The following JAKMIP3 variants were observed in gnomAD, a reference collection of about 807,000 sequenced individuals.
JAKMIP3 encodes janus kinase and microtubule-interacting protein 3.
Under a neutral mutation model 118.5 loss-of-function variants are expected in JAKMIP3, and 58 were observed. The ratio of observed to expected loss-of-function variants is 0.49; its 90% CI spans 0.40 to 0.61. The LOEUF is 0.61. Among genes scored for constraint, JAKMIP3 ranks in the 20% least tolerant of loss-of-function variants. The pLI, the probability that JAKMIP3 is intolerant of heterozygous loss-of-function variation, is 0.00. For missense variants in JAKMIP3, 950 were observed against 1,109.0 expected, an observed-to-expected ratio of 0.86 and a Z score of 2.04; for synonymous variants, 486 against 451.2, an observed-to-expected ratio of 1.08 and a Z score of -0.98.
rs1313729560 is a variant in JAKMIP3, at chr10:132,139,425, TG to T, written c.1345-1025del. ...GAGTGTGTATGTGTGAGTGTGTGTG[TG>T]TGTTTGTGTGTACATGTGAGTGTAT... On this transcript the variant is annotated intron_variant, in intron 9 of 23. Transcript: ENST00000684848. 5.1e-5 allele frequency among the ~76,000 whole-genome samples: 5 copies of T among 98,874 alleles called. No homozygotes were observed. In the Admixed American group the frequency reaches 5.1e-4, roughly 10 times the overall value. The allele number at this position is 98,874 out of a possible 152,430, so 64.9% of individuals were successfully genotyped here.
chr10:132,176,978 C>T (rs974065550), intron 23 of JAKMIP3, among the ~76,000 whole-genome samples: 9 of 152,084 alleles, frequency 5.9e-5, no homozygotes, highest in Admixed American at 3.9e-4. Flanking sequence ...TGTTTAGAAT[C>T]TTTCTGTTTT....
At chr10:132,125,502 A>G (rs2049366620) in intron 3 of JAKMIP3, among the ~76,000 whole-genome samples, 1 of 152,234 alleles carries the variant, frequency 6.6e-6, no homozygotes, top group Non-Finnish European at 1.5e-5. Context: ...CTCGTCGTCT[A>G]AGTTCTACAA....
intron 12 of JAKMIP3, 105 bp from the exon 13 acceptor site, chr10:132,145,413 C>A: frequency 8.6e-7 from 1 of 1,159,596 alleles, no homozygotes; most frequent in Non-Finnish European, 1.2e-6. Context: ...GGGGCTTTGC[C>A]ACGCTGGCCA....
rs1469571638 is a variant in JAKMIP3 at position 132,104,785 on chromosome 10, TC to T, written c.-19del. The T allele has an allele frequency of 1.3e-6, 2 of 1,545,288 alleles. No homozygotes were observed. Among genetic ancestry groups the T allele is most frequent in the South Asian group, 2.4e-5 (2 of 83,828 alleles). The stretch of plus-strand genomic sequence containing the variant: ...AGCCGGAGCACCCTACCCCTGGGCA[TC>T]CCCCTGGCCATCCAGCCTCACCATG... On this transcript the variant is annotated 5_prime_UTR_variant, in exon 2 of 24. Transcript: ENST00000684848.
chr10:132,059,474 C>A (rs1197223609), intron 1 of JAKMIP3, among the ~76,000 whole-genome samples: 1 of 152,258 alleles, frequency 6.6e-6, no homozygotes, highest in Non-Finnish European at 1.5e-5. Context: ...GGCGTGGTGA[C>A]CACAGCAAGG....
rs906657503 is a variant in JAKMIP3 at position 132,139,254 on chromosome 10, G to A, written c.1344+1076G>A. Among the ~76,000 whole-genome samples, 45 of 67,960 alleles carry A rather than the reference G, an allele frequency of 6.6e-4. 3 individuals carry two copies. The highest frequency in any genetic ancestry group is 1.9e-3 in the African/African-American group (34 of 17,510). The allele number at this position is 67,960 out of a possible 152,430, so 44.6% of individuals were successfully genotyped here. On this transcript the variant is annotated intron_variant, in intron 9 of 23. Coordinates refer to ENST00000684848, the MANE Select transcript of JAKMIP3 (RefSeq NM_001323087.2). ...TGTATATGCATCTGTGTGTGTATGTGTGTGTGTGTATGTGTGTACATGTGA... is the reference window on the plus strand; with the variant it reads ...TGTATATGCATCTGTGTGTGTATGTATGTGTGTGTATGTGTGTACATGTGA...
At chr10:132,135,798 G>A (rs999615646) in intron 5 of JAKMIP3, 132 bp from the exon 6 acceptor site, 16 of 973,574 alleles carry the variant, frequency 1.6e-5, no homozygotes, top group African/African-American at 1.2e-4. Context: ...ACTTGGAGGC[G>A]TGGACTTCCC....
intron 2 of JAKMIP3, among the ~76,000 whole-genome samples, chr10:132,105,366 C>T (rs962918620): frequency 6.6e-5 from 10 of 152,208 alleles, no homozygotes; most frequent in African/African-American, 1.9e-4. Context: ...GATGGGCCAT[C>T]GGTTTAGAGC....
At chr10:132,181,187 G>C (rs910603432) in intron 23 of JAKMIP3, 5 of 152,284 alleles carry the variant, frequency 3.3e-5, no homozygotes, top group Non-Finnish European at 5.9e-5. Context: ...GCAGCAGCTG[G>C]CTCTGGAGAG....
chr10:132,164,885 G>A, intron 21 of JAKMIP3, 150 bp downstream of exon 21: 1 of 641,534 alleles, frequency 1.6e-6, no homozygotes, highest in Non-Finnish European at 2.8e-6. Context: ...GAGGCCTGAA[G>A]GCTGGGCGGA....
chr10:132,150,309 T>C (rs1162221733), intron 16 of JAKMIP3, among the ~76,000 whole-genome samples: 1 of 152,092 alleles, frequency 6.6e-6, no homozygotes, highest in Non-Finnish European at 1.5e-5. Context: ...CTCTCAGCCC[T>C]TCCATACTTG....
intron 9 of JAKMIP3, among the ~76,000 whole-genome samples, chr10:132,139,280 GTGTA>G (rs1231593567): frequency 6.7e-6 from 1 of 148,848 alleles, no homozygotes; most frequent in Non-Finnish European, 1.5e-5. Flanking sequence ...GTACATGTGA[GTGTA>G]TATGCATCTG....
Position 132,149,432 on chromosome 10 carries a change from C to CG in JAKMIP3, c.1870dup (p.Ala624GlyfsTer43), listed in dbSNP as rs760505203. The CG allele has an allele frequency of 6.2e-7, 1 of 1,604,354 alleles. No homozygotes were observed. The highest frequency in any genetic ancestry group is 1.7e-5 in the Admixed American group (1 of 59,336). The stretch of plus-strand genomic sequence containing the variant: ...CCTAGGAGAGGGAGAGGAAGTCACC[C>CG]GCCATCAGCTTCCACCACACGCCCT... On this transcript the variant is annotated frameshift_variant, in exon 15 of 24. Transcript: ENST00000684848. LOFTEE classifies it high-confidence loss of function.
At chr10:132,101,590 A>G (rs2044921024) in intron 1 of JAKMIP3, among the ~76,000 whole-genome samples, 1 of 152,206 alleles carries the variant, frequency 6.6e-6, no homozygotes, top group Non-Finnish European at 1.5e-5. Flanking sequence ...CAAATGCTCA[A>G]TGCCCTATGA....
chr10:132,079,071 A>G lies in JAKMIP3; in HGVS notation c.-138+13010A>G, dbSNP rs1223463080. On this transcript the variant is annotated intron_variant, in intron 1 of 23. Coordinates refer to ENST00000684848, the MANE Select transcript of JAKMIP3 (RefSeq NM_001323087.2). Reference sequence around the variant, plus strand: ...CTCTCTCCTGGCACCTGCGGCTTCCAGGAGACCCCCACAGCCAGCTGCCGA... The same window carrying G: ...CTCTCTCCTGGCACCTGCGGCTTCCGGGAGACCCCCACAGCCAGCTGCCGA... Among the ~76,000 whole-genome samples, 3 of 144,302 alleles carry G rather than the reference A, an allele frequency of 2.1e-5. No individual in the cohort carries two copies. The East Asian group carries it at 5.8e-4, about 28-fold the overall frequency. The allele number at this position is 144,302 out of a possible 152,430, so 94.7% of individuals were successfully genotyped here. A position where few individuals can be genotyped will look rare whatever the true frequency, so the allele number is the denominator to read the frequency against.
At chr10:132,102,671 CTG>C (rs2045168039) in intron 1 of JAKMIP3, among the ~76,000 whole-genome samples, 1 of 152,220 alleles carries the variant, frequency 6.6e-6, no homozygotes, top group Non-Finnish European at 1.5e-5. Context: ...CACCCTCCCT[CTG>C]TGAGGCCATC....
rs893771409 is a variant in JAKMIP3 at position 132,162,045 on chromosome 10, T to G, written c.2221-1164T>G. 3.7e-5 allele frequency among the ~76,000 whole-genome samples: 5 copies of G among 135,516 alleles called. 1 individual carries two copies. The highest frequency in any genetic ancestry group is 8.6e-5 in the Non-Finnish European group (5 of 58,270). The allele number at this position is 135,516 out of a possible 152,430, so 88.9% of individuals were successfully genotyped here. Reference sequence around the variant, plus strand: ...CGGTTCTCTCCTATGTCGTTCATGGTGTGGCTCTCGGTCGCTCGGGTGCCC... The same window carrying G: ...CGGTTCTCTCCTATGTCGTTCATGGGGTGGCTCTCGGTCGCTCGGGTGCCC... On this transcript the variant is annotated intron_variant, in intron 19 of 23. Transcript: ENST00000684848.
rs2047087602 is a variant in JAKMIP3, at chr10:132,112,855, C to T, written c.136-4222C>T. Among the ~76,000 whole-genome samples the T allele has an allele frequency of 2.6e-5, 4 of 152,190 alleles. No homozygotes were observed. The highest frequency in any genetic ancestry group is 6.5e-5 in the Admixed American group (1 of 15,280). On this transcript the variant is annotated intron_variant, in intron 2 of 23. Transcript: ENST00000684848. This position sits in a 1 kb window ranked among gnomAD's most constrained non-coding sequence, Gnocchi z 4.3. ...TGGTCAGCCTGCCTCTGCCTGGCTG[C>T]GAATCCCCTCTCTCGCTCCCTCTGT...
rs1420906528 is a variant in JAKMIP3, at chr10:132,180,698, T to TGC, written c.*1104-1658_*1104-1657insCG. Among the ~76,000 whole-genome samples the TGC allele has an allele frequency of 2.5e-3, 39 of 15,414 alleles. 11 individuals carry two copies. The East Asian group carries it at 0.065, about 26-fold the overall frequency. 10.1% of individuals were successfully genotyped at this position (15,414 alleles called of 152,430 possible). Reference sequence around the variant, plus strand: ...GTGCGCGCGCGTGTGTGTGCGTGCGTGTGTGTGTGCGCGTGTGTGTGCGTG... The same window carrying TGC: ...GTGCGCGCGCGTGTGTGTGCGTGCGTGCGTGTGTGTGCGCGTGTGTGTGCGTG... On this transcript the variant is annotated intron_variant, in intron 23 of 23. Coordinates refer to ENST00000684848, the MANE Select transcript of JAKMIP3 (RefSeq NM_001323087.2).
Sources: gnomAD v4.1 joint callset for allele counts (sites outside exome capture counted in the v4.1 genomes callset) on GRCh38, gnomAD v4.1.1 for gene constraint, Gnocchi (gnomAD v3.1) non-coding constraint, MANE v1.5 for transcripts, NCBI Gene and HGNC (gene_info 2026-07-23, HGNC 2026-07-21) for gene names.